Variants in PCGF3 observed in about 807,000 individuals in gnomAD.
PCGF3 encodes polycomb group ring finger 3.
Under a neutral mutation model 33.1 loss-of-function variants are expected in PCGF3, and 7 were observed. The ratio of observed to expected loss-of-function variants is 0.21; its 90% CI spans 0.12 to 0.40. The LOEUF (loss-of-function observed/expected upper bound fraction) is 0.40, where lower values mean the gene tolerates loss of function less well. PCGF3 is among the 10% of genes least tolerant of loss of function. The probability of loss-of-function intolerance (pLI) is 1.00; values close to 1 mark genes in which losing one functional copy is unlikely to be tolerated. For missense variants in PCGF3, 211 were observed against 313.3 expected, an observed-to-expected ratio of 0.67 and a Z score of 2.46; for synonymous variants, 153 against 121.3, an observed-to-expected ratio of 1.26 and a Z score of -1.72.
intron 5 of PCGF3, 85 bp downstream of exon 5, chr4:735,112 G>T (rs750799716): frequency 4.0e-5 from 57 of 1,415,800 alleles, no homozygotes; most frequent in Non-Finnish European, 5.4e-5. Context: ...GGCCATTAGC[G>T]CTGTACTCCC....
At chr4:735,119 TC>T (rs1168075714) in intron 5 of PCGF3, 92 bp downstream of exon 5, 2 of 1,360,492 alleles carry the variant, frequency 1.5e-6, no homozygotes, top group African/African-American at 2.9e-5. Flanking sequence ...AGCGCTGTAC[TC>T]CCATCCTGCC....
intron 5 of PCGF3, among the ~76,000 whole-genome samples, chr4:736,710 A>G (rs1346772987): frequency 6.6e-6 from 1 of 150,470 alleles, no homozygotes; most frequent in Non-Finnish European, 1.5e-5. Flanking sequence ...GGGTGTCCGC[A>G]GGGACGGTGT....
intron 4 of PCGF3, chr4:734,034 A>AT: frequency 6.4e-7 from 1 of 1,550,708 alleles, no homozygotes. Context: ...GAGACCCCAC[A>AT]TTCCTCCCAC....
intron 9 of PCGF3, among the ~76,000 whole-genome samples, chr4:763,108 C>T (rs1174910776): frequency 1.3e-5 from 2 of 151,562 alleles, no homozygotes; most frequent in South Asian, 2.1e-4. Context: ...CACGGGCTGC[C>T]TGGAGATCAT....
At chr4:761,498 T>C in intron 9 of PCGF3, 82 bp downstream of exon 9, 1 of 1,453,176 alleles carries the variant, frequency 6.9e-7, no homozygotes, top group South Asian at 1.4e-5. Flanking sequence ...TGCTTAGTTT[T>C]GTTTTGTTTT....
intron 9 of PCGF3, chr4:762,795 T>C (rs1745135672): frequency 6.6e-6 from 1 of 152,220 alleles, no homozygotes; most frequent in Non-Finnish European, 1.5e-5. Context: ...TTTCTATTGT[T>C]TGAAGACACC....
chr4:743,573 C>G, exon 7 of PCGF3: 5 of 1,601,072 alleles, frequency 3.1e-6, no homozygotes, highest in Non-Finnish European at 4.3e-6. Context: ...CACTTAGATT[C>G]CCATCGGAAT....
chr4:757,725 A>G (rs1021403605), intron 8 of PCGF3: 1 of 152,050 alleles, frequency 6.6e-6, no homozygotes, highest in Admixed American at 6.6e-5. Context: ...TCTTTTCGTC[A>G]GTTTTTTCCT....
chr4:763,925 G>C (rs1745209670), intron 9 of PCGF3, among the ~76,000 whole-genome samples: 1 of 152,212 alleles, frequency 6.6e-6, no homozygotes, highest in Admixed American at 6.5e-5. Context: ...GAAACATCAA[G>C]TCCCTGTTAC....
intron 1 of PCGF3, among the ~76,000 whole-genome samples, chr4:711,216 G>A (rs1216580774): frequency 1.3e-5 from 2 of 152,214 alleles, no homozygotes; most frequent in African/African-American, 2.4e-5. Flanking sequence ...CCACCATGCC[G>A]CACTCTCTAG....
chr4:713,530 G>T (rs1742673729), intron 1 of PCGF3, among the ~76,000 whole-genome samples: 1 of 109,190 alleles, frequency 9.2e-6, no homozygotes, highest in African/African-American at 3.2e-5. Flanking sequence ...TGGCCTCATG[G>T]GTCCTGTGTG....
At chr4:708,701 G>C (rs1051528871) in intron 1 of PCGF3, among the ~76,000 whole-genome samples, 2 of 152,120 alleles carry the variant, frequency 1.3e-5, no homozygotes, top group Non-Finnish European at 1.5e-5. Flanking sequence ...AACCCCTCCT[G>C]CCCCTCTCCC....
chr4:716,274 C>T (rs1225739973), intron 1 of PCGF3, among the ~76,000 whole-genome samples: 12 of 124,874 alleles, frequency 9.6e-5, no homozygotes, highest in East Asian at 2.6e-4. Context: ...GTGCTGGGAC[C>T]CTGTAGACAC....
chr4:711,522 ATCTCGGCTC>A (rs1742569883), intron 1 of PCGF3, among the ~76,000 whole-genome samples: 1 of 141,510 alleles, frequency 7.1e-6, no homozygotes, highest in Admixed American at 7.1e-5. Context: ...CAGTGGCGCA[ATCTCGGCTC>A]ACTGCAAGCT....
In PCGF3 at chr4:764,729, C is replaced by T. The variant is rs1424257503; in HGVS notation, c.601-255C>T. 1.5e-5 allele frequency: 6 copies of T among 398,894 alleles called. No homozygotes were observed. In the Admixed American group the frequency reaches 1.7e-4, roughly 11 times the overall value. 24.7% of individuals were successfully genotyped at this position (398,894 alleles called of 1,614,324 possible). ...CCCTGCAGAAACGTCATCCCCCTAA[C>T]TGGCACGGGCCTGCCCTGTAATATC... is the stretch of plus-strand genomic sequence containing the variant. On this transcript the variant is annotated intron_variant, in intron 9 of 10. Transcript: ENST00000362003.
At chr4:755,904 CTTTTTTTT>C (rs570528684) in intron 8 of PCGF3, among the ~76,000 whole-genome samples, 1,263 of 87,084 alleles carry the variant, frequency 0.015, 10 homozygotes, top group South Asian at 0.048. Context: ...CAGAATTGTC[CTTTTTTTT>C]TTTTTTTTTT....
At chr4:758,289 C>T (rs937029984) in intron 8 of PCGF3, among the ~76,000 whole-genome samples, 6 of 151,850 alleles carry the variant, frequency 4.0e-5, no homozygotes, top group Non-Finnish European at 7.4e-5. Context: ...TCACTTCTTC[C>T]GCCAAACTCC....
chr4:738,000 A>T (rs1028380461), intron 6 of PCGF3, among the ~76,000 whole-genome samples: 2 of 152,246 alleles, frequency 1.3e-5, no homozygotes, highest in Non-Finnish European at 2.9e-5. Context: ...ATACCCTGAA[A>T]GTGGAAATCG....
intron 1 of PCGF3, among the ~76,000 whole-genome samples, chr4:714,058 C>T (rs1742698465): frequency 6.6e-6 from 1 of 152,142 alleles, no homozygotes; most frequent in Non-Finnish European, 1.5e-5. Flanking sequence ...GTGTCAGTGT[C>T]AGGCGTGGGG....
Sources: allele counts gnomAD v4.1 joint callset (sites outside exome capture counted in the v4.1 genomes callset), GRCh38; gene constraint gnomAD v4.1.1; transcripts MANE v1.5; gene names NCBI Gene and HGNC (gene_info 2026-07-23, HGNC 2026-07-21).